UVRAG: variants seen among roughly 807,000 people sequenced by gnomAD.
UVRAG encodes UV radiation resistance associated, also known as UV radiation resistance-associated gene protein.
In UVRAG, 19 loss-of-function variants were observed where a neutral mutation model predicts 78.0. The ratio of observed to expected loss-of-function variants is 0.24; its 90% CI spans 0.17 to 0.36. The LOEUF is 0.36. Ranked by LOEUF, UVRAG falls within the 10% of genes least tolerant of loss-of-function variation. The pLI is 1.00. For synonymous variants in UVRAG, 323 were observed against 324.6 expected (o/e 1.00, Z 0.05); for missense variants, 740 against 853.8 (o/e 0.87, Z 1.66).
intron 14 of UVRAG, among the ~76,000 whole-genome samples, chr11:76,128,921 G>A (rs746957748): frequency 3.9e-5 from 6 of 152,320 alleles, no homozygotes; most frequent in African/African-American, 9.6e-5. Flanking sequence ...TTTATATGAT[G>A]TTTATTCTAT....
At chr11:75,932,265 C>CTTTA (rs71272238) in intron 6 of UVRAG, among the ~76,000 whole-genome samples, 10,136 of 149,610 alleles carry the variant, frequency 0.068, 360 homozygotes, top group Middle Eastern at 0.084. Flanking sequence ...ATTATATGAT[C>CTTTA]TTTATTTATT....
At chr11:75,878,114 G>A (rs1946847208) in intron 3 of UVRAG, among the ~76,000 whole-genome samples, 1 of 151,266 alleles carries the variant, frequency 6.6e-6, no homozygotes, top group Non-Finnish European at 1.5e-5. Context: ...TGGGGCGGTT[G>A]CCGGGCGGAG....
At chr11:75,904,339 G>A (rs1947571630) in intron 5 of UVRAG, among the ~76,000 whole-genome samples, 1 of 152,170 alleles carries the variant, frequency 6.6e-6, no homozygotes, top group South Asian at 2.1e-4. Context: ...TGAGTGACAT[G>A]TAAATCTCTT....
chr11:75,918,391 A>T (rs868359309), intron 6 of UVRAG, among the ~76,000 whole-genome samples: 1 of 151,906 alleles, frequency 6.6e-6, no homozygotes, highest in Non-Finnish European at 1.5e-5. Flanking sequence ...AAAAAAAAAA[A>T]AAAAGATACA....
chr11:75,985,037 G>A (rs1949470481), intron 8 of UVRAG, among the ~76,000 whole-genome samples: 1 of 152,052 alleles, frequency 6.6e-6, no homozygotes, highest in South Asian at 2.1e-4. Flanking sequence ...TCAAGAGAAT[G>A]TACGTATCTT....
intron 6 of UVRAG, among the ~76,000 whole-genome samples, chr11:75,948,231 C>A (rs1948618754): frequency 6.6e-6 from 1 of 152,108 alleles, no homozygotes; most frequent in African/African-American, 2.4e-5. Flanking sequence ...ATCTCCATAC[C>A]TCTTACATCA....
chr11:75,820,351 C>T (rs1945358822), intron 1 of UVRAG, among the ~76,000 whole-genome samples: 1 of 136,410 alleles, frequency 7.3e-6, no homozygotes, highest in Non-Finnish European at 1.5e-5. Context: ...CCTAGTTTCA[C>T]TTATTCTTTT....
chr11:76,063,480 C>A (rs1171584145), intron 12 of UVRAG, among the ~76,000 whole-genome samples: 1 of 152,174 alleles, frequency 6.6e-6, no homozygotes, highest in Non-Finnish European at 1.5e-5. Context: ...CACACGTAAT[C>A]TATTTATTGC....
At chr11:75,877,660 T>G (rs1590964023) in intron 3 of UVRAG, among the ~76,000 whole-genome samples, 5 of 119,032 alleles carry the variant, frequency 4.2e-5, no homozygotes, top group Non-Finnish European at 6.9e-5. Context: ...GCAGAGGGGC[T>G]CCTCACTTCC....
At position 76,137,248 on chromosome 11, in the gene UVRAG, G is replaced by A. The variant is rs146103129; in HGVS notation, c.1398-3463G>A. On this transcript the variant is annotated intron_variant, in intron 14 of 14. Coordinates refer to ENST00000356136, the MANE Select transcript of UVRAG (RefSeq NM_003369.4). ...TAAGAAAGGGTATAGTGGCCACTGCGGGCAGGGGCACTGATTCAACCACCC... is the reference window on the plus strand; with the variant it reads ...TAAGAAAGGGTATAGTGGCCACTGCAGGCAGGGGCACTGATTCAACCACCC... The A allele has an allele frequency of 4.4e-3, 1,964 of 445,126 alleles. 47 individuals carry two copies. The highest frequency in any genetic ancestry group is 0.036 in the African/African-American group (1,777 of 49,568). 27.6% of individuals were successfully genotyped at this position (445,126 alleles called of 1,614,324 possible).
chr11:76,012,267 T>A (rs939477741), intron 11 of UVRAG, among the ~76,000 whole-genome samples: 3 of 151,434 alleles, frequency 2.0e-5, no homozygotes, highest in African/African-American at 7.3e-5. Flanking sequence ...TTCTCACAAC[T>A]GTGAGAATTA....
At chr11:75,874,628 T>A (rs1052878812) in intron 3 of UVRAG, among the ~76,000 whole-genome samples, 4 of 151,518 alleles carry the variant, frequency 2.6e-5, no homozygotes, top group Non-Finnish European at 2.9e-5. Context: ...AATATTTGTA[T>A]GTGCTAGAAT....
chr11:76,013,395 T>C (rs1428043382), intron 11 of UVRAG, among the ~76,000 whole-genome samples: 1 of 152,172 alleles, frequency 6.6e-6, no homozygotes, highest in African/African-American at 2.4e-5. Context: ...GTCTTAAGGT[T>C]CATTCGTGTT....
chr11:75,833,048 A>G (rs1232659164), intron 1 of UVRAG, among the ~76,000 whole-genome samples: 1 of 152,158 alleles, frequency 6.6e-6, no homozygotes, highest in African/African-American at 2.4e-5. Flanking sequence ...GTGATTTGGA[A>G]TTTGGAATTT....
chr11:75,972,079 C>A (rs1949133572), intron 7 of UVRAG, among the ~76,000 whole-genome samples: 1 of 151,856 alleles, frequency 6.6e-6, no homozygotes, highest in East Asian at 1.9e-4. Flanking sequence ...CATAGTGAGA[C>A]CCCGTCTGTA....
chr11:76,007,493 C>CAT, intron 9 of UVRAG, 41 bp from the exon 10 acceptor site: 1 of 1,439,060 alleles, frequency 6.9e-7, no homozygotes, highest in Non-Finnish European at 9.7e-7. Context: ...AGCATGCAAG[C>CAT]ATATATTTTT....
chr11:76,007,180 T>C (rs938324230), intron 9 of UVRAG, among the ~76,000 whole-genome samples: 6 of 151,954 alleles, frequency 3.9e-5, no homozygotes, highest in African/African-American at 1.4e-4. Flanking sequence ...GCCAGGCTAA[T>C]TTTTTTATTT....
chr11:75,880,110 CT>C, intron 4 of UVRAG, 70 bp downstream of exon 4: 1 of 1,549,946 alleles, frequency 6.5e-7, no homozygotes, highest in Non-Finnish European at 8.8e-7. Flanking sequence ...TCTGTTGATT[CT>C]TCTGATTCTG....
At chr11:75,967,789 A>G (rs1275731287) in intron 7 of UVRAG, among the ~76,000 whole-genome samples, 1 of 152,204 alleles carries the variant, frequency 6.6e-6, no homozygotes, top group Non-Finnish European at 1.5e-5. Flanking sequence ...ATCTGTTGCA[A>G]TATCGTAAGT....
Sources: gnomAD v4.1 joint callset for allele counts (sites outside exome capture counted in the v4.1 genomes callset) on GRCh38, gnomAD v4.1.1 for gene constraint, MANE v1.5 for transcripts, NCBI Gene and HGNC (gene_info 2026-07-23, HGNC 2026-07-21) for gene names.